OR7E24: variants seen among roughly 807,000 people sequenced by gnomAD.
The protein encoded by OR7E24 is olfactory receptor 7E24.
For missense variants in OR7E24, 385 were observed against 410.3 expected, an observed-to-expected ratio of 0.94 and a Z score of 0.53; for synonymous variants, 130 against 157.5, an observed-to-expected ratio of 0.83 and a Z score of 1.31.
the OR7E24 span, chr19:9,211,254 T>G: frequency 6.6e-6 from 1 of 152,250 alleles, no homozygotes; most frequent in Non-Finnish European, 1.5e-5. Context: ...GTGAGTGAGC[T>G]TCACAGCAGA....
rs60144766 is a variant in OR7E24 at position 9,251,091 on chromosome 19, G to A, written c.48G>A (p.Pro16=). 7,056 of 1,611,494 alleles carry A rather than the reference G, an allele frequency of 4.4e-3. 207 individuals carry two copies. The East Asian group carries it at 0.062, about 14-fold the overall frequency. The part of the protein sequence containing the change: ...ILFFFFLKRC[P]SYTEPQNLTG... ...TTTTTTTTTTCCTCAAAAGGTGTCC[G>A]AGCTACACAGAGCCACAGAATCTCA... The change falls in exon 1 of 1, where the codon CCG becomes CCA. Residue 16 remains proline, a synonymous_variant. Transcript: ENST00000456448.
At chr19:9,215,325 A>T in the OR7E24 span, among the ~76,000 whole-genome samples, 1 of 146,506 alleles carries the variant, frequency 6.8e-6, no homozygotes, top group South Asian at 2.3e-4. Context: ...CCTGGTGACA[A>T]AGTGAGACTC....
At chr19:9,241,477 C>T in the OR7E24 span, among the ~76,000 whole-genome samples, 1 of 151,958 alleles carries the variant, frequency 6.6e-6, no homozygotes, top group Non-Finnish European at 1.5e-5. Flanking sequence ...TTTAAATATC[C>T]CGGCTCGACC....
the OR7E24 span, among the ~76,000 whole-genome samples, chr19:9,239,767 G>A: frequency 1.4e-5 from 2 of 141,876 alleles, no homozygotes; most frequent in African/African-American, 5.3e-5. Flanking sequence ...GGAGTGCAGT[G>A]GTGCAATCTG....
At chr19:9,242,234 T>C in the OR7E24 span, among the ~76,000 whole-genome samples, 1 of 152,156 alleles carries the variant, frequency 6.6e-6, no homozygotes. Flanking sequence ...CCTGAAAACA[T>C]TTCTTTCTTT....
chr19:9,218,586 G>A, the OR7E24 span, among the ~76,000 whole-genome samples: 93 of 152,248 alleles, frequency 6.1e-4, no homozygotes, highest in Non-Finnish European at 1.2e-3. Context: ...ACCAAAGGCC[G>A]TCTACTACAA....
the OR7E24 span, among the ~76,000 whole-genome samples, chr19:9,232,606 C>A: frequency 6.6e-6 from 1 of 151,584 alleles, no homozygotes; most frequent in South Asian, 2.1e-4. Flanking sequence ...CCAACCAGTC[C>A]TTTGTGCCCT....
Position 9,251,160 on chromosome 19 carries a change from A to C in OR7E24, c.117A>C (p.Pro39=), listed in dbSNP as rs367886273. The C allele has an allele frequency of 6.2e-7, 1 of 1,614,000 alleles. No individual in the cohort carries two copies. The highest frequency in any genetic ancestry group is 2.2e-5 in the East Asian group (1 of 44,876). The change falls in exon 1 of 1, where the codon CCA becomes CCC. Residue 39 remains proline, a synonymous_variant. Coordinates refer to ENST00000456448, the MANE Select transcript of OR7E24 (RefSeq NM_001079935.2). The part of the protein sequence containing the change: ...EFLLLGLSED[P]ELQPVLAGLF... Reference sequence around the variant, plus strand: ...TCCTCCTGGGACTCTCAGAGGATCCAGAACTGCAGCCGGTCCTCGCTGGGC... The same window carrying C: ...TCCTCCTGGGACTCTCAGAGGATCCCGAACTGCAGCCGGTCCTCGCTGGGC...
chr19:9,241,490 G>T, the OR7E24 span, among the ~76,000 whole-genome samples: 1 of 152,136 alleles, frequency 6.6e-6, no homozygotes, highest in Admixed American at 6.6e-5. Flanking sequence ...GCTCGACCAG[G>T]CTTGGTGGCT....
the OR7E24 span, among the ~76,000 whole-genome samples, chr19:9,223,806 C>T: frequency 4.7e-5 from 7 of 148,434 alleles, no homozygotes; most frequent in East Asian, 2.0e-4. Context: ...AAGCTAAAGG[C>T]GTGGTGTTGG....
the OR7E24 span, chr19:9,236,058 T>C: frequency 9.7e-5 from 153 of 1,571,294 alleles, 1 homozygote; most frequent in East Asian, 3.3e-3. Flanking sequence ...GGAGACTCCT[T>C]AGCAGGGCAG....
the OR7E24 span, among the ~76,000 whole-genome samples, chr19:9,232,410 C>T: frequency 3.3e-5 from 5 of 151,884 alleles, no homozygotes; most frequent in African/African-American, 4.8e-5. Flanking sequence ...TGGTGGTGTG[C>T]GCCTGTAGTC....
chr19:9,246,904 A>G (rs963539726), upstream of OR7E24, among the ~76,000 whole-genome samples: 1 of 152,176 alleles, frequency 6.6e-6, no homozygotes, highest in African/African-American at 2.4e-5. Context: ...TTTGTAGGAT[A>G]GAAAAGTTCT....
chr19:9,243,257 A>G (rs2066120849), upstream of OR7E24, among the ~76,000 whole-genome samples: 1 of 152,008 alleles, frequency 6.6e-6, no homozygotes, highest in Non-Finnish European at 1.5e-5. Flanking sequence ...CTGTCTGCCA[A>G]TGGTCAGCAT....
the OR7E24 span, among the ~76,000 whole-genome samples, chr19:9,231,142 A>G: frequency 6.6e-6 from 1 of 151,432 alleles, no homozygotes; most frequent in African/African-American, 2.4e-5. Context: ...CTTGTCTCAA[A>G]CTCCTGACCT....
upstream of OR7E24, among the ~76,000 whole-genome samples, chr19:9,244,430 C>T (rs772414470): frequency 1.3e-5 from 2 of 152,128 alleles, no homozygotes; most frequent in African/African-American, 2.4e-5. Context: ...CACATGGGTG[C>T]CAAGAACATT....
At chr19:9,221,995 T>A in the OR7E24 span, among the ~76,000 whole-genome samples, 2 of 152,254 alleles carry the variant, frequency 1.3e-5, no homozygotes, top group Admixed American at 1.3e-4. Context: ...GATTTTCGTA[T>A]ATAGTGTGAA....
chr19:9,243,613 T>A (rs1248093180), upstream of OR7E24, among the ~76,000 whole-genome samples: 1 of 152,142 alleles, frequency 6.6e-6, no homozygotes, highest in Non-Finnish European at 1.5e-5. Context: ...CTGGCAGGCA[T>A]CTATTTTGAA....
At chr19:9,247,446 C>G (rs1275850682), upstream of OR7E24, 1 of 398,518 alleles carries the variant, frequency 2.5e-6, no homozygotes, top group Non-Finnish European at 4.4e-6. Context: ...GAGCCTCCAT[C>G]GTGCACCACA....
Sources: allele counts gnomAD v4.1 joint callset (sites outside exome capture counted in the v4.1 genomes callset), GRCh38; gene constraint gnomAD v4.1.1; transcripts MANE v1.5; gene names NCBI Gene and HGNC (gene_info 2026-07-23, HGNC 2026-07-21).